TRPM2: variants seen among roughly 807,000 people sequenced by gnomAD.
TRPM2 encodes the protein transient receptor potential cation channel subfamily M member 2.
In TRPM2, 161 loss-of-function variants were observed where a neutral mutation model predicts 174.0. That is an observed-to-expected ratio of 0.93 (90% CI 0.81 to 1.05). TRPM2 has a LOEUF of 1.05. Among genes scored for constraint, TRPM2 ranks in the 50% least tolerant of loss-of-function variants. The pLI is 0.00. For missense variants in TRPM2, 2,057 were observed against 2,038.0 expected (o/e 1.01, Z -0.18); for synonymous variants, 954 against 861.3 (o/e 1.11, Z -1.88).
chr21:44,355,553 C>T (rs1262837944), intron 2 of TRPM2, among the ~76,000 whole-genome samples: 2 of 152,310 alleles, frequency 1.3e-5, no homozygotes, highest in East Asian at 1.9e-4. Context: ...TCCCTCCTAC[C>T]GCACCGTGTG....
chr21:44,366,963 C>G lies in TRPM2; in HGVS notation c.604+29C>G, dbSNP rs748407431. 3.9e-6 allele frequency: 6 copies of G among 1,547,978 alleles called. No homozygotes were observed. In the Admixed American group the frequency reaches 7.5e-5, roughly 19 times the overall value. The stretch of plus-strand genomic sequence containing the variant: ...ACTCGGAGGCTGGAGGGACACGAGG[C>G]CCCGGCGGGTGGGGTGGGCTGTGGA... On this transcript the variant is annotated intron_variant, in intron 4 of 31. Coordinates refer to ENST00000397928, the MANE Select transcript of TRPM2 (RefSeq NM_003307.4). The surrounding 1 kb of genome is among the most constrained non-coding windows in gnomAD (Gnocchi z 6.0).
At chr21:44,374,475 T>G (rs995324199) in intron 5 of TRPM2, among the ~76,000 whole-genome samples, 1 of 152,086 alleles carries the variant, frequency 6.6e-6, no homozygotes, top group Non-Finnish European at 1.5e-5. Context: ...ATTATTACAT[T>G]GTAATATATA....
rs970860251 is a variant in TRPM2 at position 44,376,584 on chromosome 21, G to C, written c.952+571G>C. 4.6e-5 allele frequency among the ~76,000 whole-genome samples: 7 copies of C among 152,198 alleles called. No homozygotes were observed. Among genetic ancestry groups the C allele is most frequent in the Admixed American group, 2.0e-4 (3 of 15,282 alleles). On this transcript the variant is annotated intron_variant, in intron 6 of 31. Transcript: ENST00000397928. This position sits in a 1 kb window ranked among gnomAD's most constrained non-coding sequence, Gnocchi z 4.2. The stretch of plus-strand genomic sequence containing the variant: ...AAACCTTGATCATGGTCTGCTCTCA[G>C]GTTCAGAAATCAGAATGTACGATAG...
intron 27 of TRPM2, among the ~76,000 whole-genome samples, chr21:44,428,695 TC>T (rs2050914440): frequency 4.0e-5 from 1 of 24,840 alleles, no homozygotes; most frequent in Non-Finnish European, 1.4e-4. Flanking sequence ...GAGGTGTGGC[TC>T]CTCCCCTGAG....
upstream of TRPM2, among the ~76,000 whole-genome samples, chr21:44,350,618 C>T (rs1430351845): frequency 9.9e-6 from 1 of 100,590 alleles, no homozygotes; most frequent in Admixed American, 1.1e-4. Flanking sequence ...TGGTGCAGGG[C>T]GCGGTGGGGT....
upstream of TRPM2, among the ~76,000 whole-genome samples, chr21:44,351,453 G>A (rs1383919877): frequency 6.6e-6 from 1 of 152,228 alleles, no homozygotes; most frequent in Admixed American, 6.5e-5. Context: ...CCTTGCTCAG[G>A]CCTGCTTCAT....
chr21:44,401,844 G>A lies in TRPM2; in HGVS notation c.2485G>A (p.Glu829Lys), dbSNP rs1282298847. The A allele has an allele frequency of 3.7e-6, 6 of 1,613,780 alleles. No individual in the cohort carries two copies. The highest frequency in any genetic ancestry group is 2.2e-5 in the East Asian group (1 of 44,896). Residue 829 changes from glutamate (E) to lysine (K), a missense_variant, in exon 16 of 32, where the codon GAG becomes AAG. Coordinates refer to ENST00000397928, the MANE Select transcript of TRPM2 (RefSeq NM_003307.4). ...VDFQPVPSWCECAIYLWLFSL... is the reference protein window; with the variant it reads ...VDFQPVPSWCKCAIYLWLFSL... ...CTTCCAGCCTGTGCCCTCCTGGTGC[G>A]AGTGTGCCATCTACCTCTGGCTCTT...
chr21:44,397,759 A>G lies in TRPM2; in HGVS notation c.1945A>G (p.Ile649Val). Reference sequence around the variant, plus strand: ...CTCTGGTCCCCAGAGCCAGGACTGCATCGCAGCGGCCTTGGCCTGCAGCAA... The same window carrying G: ...CTCTGGTCCCCAGAGCCAGGACTGCGTCGCAGCGGCCTTGGCCTGCAGCAA... ...GIIWAQSQDCIAAALACSKIL... is the reference protein window; with the variant it reads ...GIIWAQSQDCVAAALACSKIL... Residue 649 changes from isoleucine (I) to valine (V), a missense_variant, in exon 13 of 32, where the codon ATC (isoleucine) becomes GTC (valine). By Grantham distance (29) the Ile-to-Val change is conservative. Coordinates refer to ENST00000397928, the MANE Select transcript of TRPM2 (RefSeq NM_003307.4). 6.3e-7 allele frequency: 1 copy of G among 1,590,568 alleles called. No individual in the cohort carries two copies. Among genetic ancestry groups the G allele is most frequent in the Non-Finnish European group, 8.6e-7 (1 of 1,167,508 alleles).
rs755300131 is a variant in TRPM2 at position 44,401,714 on chromosome 21, G to A, written c.2355G>A (p.Ala785=). The A allele has an allele frequency of 2.1e-5, 34 of 1,613,122 alleles. No homozygotes were observed. Among genetic ancestry groups the A allele is most frequent in the South Asian group, 8.8e-5 (8 of 91,090 alleles). Residue 785 remains alanine (A), a synonymous_variant, in exon 16 of 32, where the codon GCG becomes GCA. Transcript: ENST00000397928. ...EKRLQDVGTP[A]ARARAFFTAP... ...GGCTGCAGGATGTGGGCACCCCCGC[G>A]GCCCGCGCCCGTGCCTTCTTCACCG...
rs1569024436 is a variant in TRPM2, at chr21:44,369,337, TC to T, written c.768del (p.Thr257ArgfsTer18). 11 of 1,610,692 alleles carry T rather than the reference TC, an allele frequency of 6.8e-6. No homozygotes were observed. The highest frequency in any genetic ancestry group is 2.2e-5 in the East Asian group (1 of 44,854). On this transcript the variant is annotated frameshift_variant, in exon 5 of 32. Transcript: ENST00000397928. LOFTEE classifies it high-confidence loss of function. ...TVHRREGLIHPTGSFPAEYIL... is the reference protein window; with the variant it reads ...TVHRREGLIHXTGSFPAEYIL... ...TCCACCGCCGCGAGGGCCTGATCCA[TC>T]CCACGGTGAGTGCGGCCCCCTAGGG...
At chr21:44,361,957 C>T (rs1308274946) in intron 2 of TRPM2, among the ~76,000 whole-genome samples, 1 of 152,220 alleles carries the variant, frequency 6.6e-6, no homozygotes, top group Non-Finnish European at 1.5e-5. Context: ...AATCTGCCCA[C>T]CTTGGCCTCC....
chr21:44,391,767 A>G lies in TRPM2; in HGVS notation c.1794+142A>G. 1 of 795,152 alleles carries G rather than the reference A, an allele frequency of 1.3e-6. No individual in the cohort carries two copies. Among genetic ancestry groups the G allele is most frequent in the African/African-American group, 1.8e-5 (1 of 56,906 alleles). 49.3% of individuals were successfully genotyped at this position (795,152 alleles called of 1,614,324 possible). On this transcript the variant is annotated intron_variant, in intron 11 of 31. Coordinates refer to ENST00000397928, the MANE Select transcript of TRPM2 (RefSeq NM_003307.4). This position sits in a 1 kb window ranked among gnomAD's most constrained non-coding sequence, Gnocchi z 5.0. ...ATCTTAGGCTGCTTGGGCTGCTGTA[A>G]CAAAATTCCACAGATGGGGCAGAAA... is the stretch of plus-strand genomic sequence containing the variant.
Position 44,379,265 on chromosome 21 carries a change from G to A in TRPM2, c.1215+68G>A, listed in dbSNP as rs2048804326. ...TGCAGAGACACTGTCAGCCTGGTGG[G>A]CAGGACCAGGACTCATGGACCGATG... On this transcript the variant is annotated intron_variant, in intron 8 of 31. Coordinates refer to ENST00000397928, the MANE Select transcript of TRPM2 (RefSeq NM_003307.4). 2.6e-6 allele frequency: 4 copies of A among 1,552,062 alleles called. No individual in the cohort carries two copies. The Admixed American group carries it at 5.1e-5, about 20-fold the overall frequency.
At chr21:44,417,169 A>C (rs375196667) in intron 20 of TRPM2, among the ~76,000 whole-genome samples, 3,333 of 31,946 alleles carry the variant, frequency 0.1, no homozygotes, top group Admixed American at 0.13. Context: ...TGGCTCTGCT[A>C]TCTGTGGCAT....
chr21:44,395,529 T>G lies in TRPM2; in HGVS notation c.1910T>G (p.Leu637Arg), dbSNP rs1790547333. Residue 637 changes from leucine to arginine, a missense_variant, in exon 12 of 32, where the codon CTG becomes CGG. Leu to Arg is a moderately radical substitution (Grantham distance 102). Transcript: ENST00000397928. ...IWAIVQNRRE[L>R]AGIIWAQSQD... ...GCCATTGTCCAGAACCGTCGGGAGCTGGCAGGAATCATCTGGGCTCAGGTA... is the reference window on the plus strand; with the variant it reads ...GCCATTGTCCAGAACCGTCGGGAGCGGGCAGGAATCATCTGGGCTCAGGTA... The G allele has an allele frequency of 6.2e-7, 1 of 1,613,022 alleles. No individual in the cohort carries two copies. The highest frequency in any genetic ancestry group is 8.5e-7 in the Non-Finnish European group (1 of 1,179,942).
intron 2 of TRPM2, among the ~76,000 whole-genome samples, chr21:44,361,343 C>T (rs147643645): frequency 6.6e-6 from 1 of 151,994 alleles, no homozygotes; most frequent in Admixed American, 6.5e-5. Flanking sequence ...GAACTCCTGA[C>T]CTCAAATGAT....
upstream of TRPM2, among the ~76,000 whole-genome samples, chr21:44,351,039 C>T (rs538499811): frequency 1.3e-5 from 2 of 151,908 alleles, no homozygotes; most frequent in Non-Finnish European, 2.9e-5. Context: ...GGAGGCCACA[C>T]GGTGTACCGA....
At chr21:44,426,441 G>T (rs2050779657) in intron 25 of TRPM2, among the ~76,000 whole-genome samples, 1 of 151,426 alleles carries the variant, frequency 6.6e-6, no homozygotes, top group African/African-American at 2.4e-5. Context: ...CTGCCCTTCA[G>T]CTGGCCCCAG....
At chr21:44,401,501 A>G (rs2049614898) in intron 15 of TRPM2, among the ~76,000 whole-genome samples, 180 bp from the exon 16 acceptor site, 1 of 152,084 alleles carries the variant, frequency 6.6e-6, no homozygotes, top group Non-Finnish European at 1.5e-5. Context: ...TGAGGCTCCC[A>G]GGCTGTGCTG....
Sources: allele counts gnomAD v4.1 joint callset (sites outside exome capture counted in the v4.1 genomes callset), GRCh38; gene constraint gnomAD v4.1.1; non-coding constraint Gnocchi (gnomAD v3.1); transcripts MANE v1.5; gene names NCBI Gene and HGNC (gene_info 2026-07-23, HGNC 2026-07-21).